CTNNA2: variants seen among roughly 807,000 people sequenced by gnomAD.
The protein encoded by CTNNA2 is catenin alpha 2.
In CTNNA2, 42 loss-of-function variants were observed where a neutral mutation model predicts 101.0. The observed-to-expected ratio is 0.42, with a 90% CI of 0.32 to 0.54. CTNNA2 has a LOEUF of 0.54. CTNNA2 is among the 20% of genes least tolerant of loss of function. The pLI is 0.14. For missense variants in CTNNA2, 871 were observed against 1,223.1 expected (o/e 0.71, Z 4.29); for synonymous variants, 450 against 456.4 (o/e 0.99, Z 0.18).
In CTNNA2 at chr2:80,594,439, T is replaced by C. The variant is rs528437155; in HGVS notation, c.2189+4954T>C. 2.0e-5 allele frequency among the ~76,000 whole-genome samples: 3 copies of C among 152,188 alleles called. No homozygotes were observed. The East Asian group carries it at 5.8e-4, about 29-fold the overall frequency. On this transcript the variant is annotated intron_variant, in intron 15 of 18. Coordinates refer to ENST00000402739, the MANE Select transcript of CTNNA2 (RefSeq NM_001282597.3). ...AATTCCTGATAAAGAATTACTATTTTCTCTCATTTTATTGGTTTCTTTTTC... is the reference window on the plus strand; with the variant it reads ...AATTCCTGATAAAGAATTACTATTTCCTCTCATTTTATTGGTTTCTTTTTC...
chr2:79,568,256 G>A (rs1347371731), intron 1 of CTNNA2, among the ~76,000 whole-genome samples: 2 of 152,102 alleles, frequency 1.3e-5, no homozygotes, highest in Admixed American at 1.3e-4. Context: ...GTACTTTCCT[G>A]TACATGCCCC....
At chr2:80,061,505 AC>A (rs1315770083) in intron 7 of CTNNA2, among the ~76,000 whole-genome samples, 1 of 152,090 alleles carries the variant, frequency 6.6e-6, no homozygotes, top group Non-Finnish European at 1.5e-5. Context: ...TACTAAACGA[AC>A]CCCCACAACA....
intron 4 of CTNNA2, among the ~76,000 whole-genome samples, chr2:79,485,822 A>C (rs891055809): frequency 2.0e-5 from 3 of 152,196 alleles, no homozygotes; most frequent in African/African-American, 7.2e-5. Flanking sequence ...TGTGATTTTC[A>C]TGGCAGTAAT....
intron 2 of CTNNA2, among the ~76,000 whole-genome samples, chr2:79,244,923 C>A (rs1400762968): frequency 6.6e-6 from 1 of 150,946 alleles, no homozygotes; most frequent in African/African-American, 2.4e-5. Context: ...GGTGAAATCC[C>A]ATCTTTACTA....
intron 1 of CTNNA2, among the ~76,000 whole-genome samples, chr2:79,591,657 GTTTTTC>G (rs1381153628): frequency 2.0e-5 from 3 of 152,082 alleles, no homozygotes; most frequent in Non-Finnish European, 4.4e-5. Flanking sequence ...CTTATTTTTA[GTTTTTC>G]TAATCTTTCT....
At chr2:80,481,304 T>C (rs1015960139) in intron 9 of CTNNA2, among the ~76,000 whole-genome samples, 5 of 152,114 alleles carry the variant, frequency 3.3e-5, no homozygotes, top group Admixed American at 3.3e-4. Flanking sequence ...CTCATTTCTT[T>C]GGGGTATTGT....
At chr2:80,591,168 G>A (rs1696452317) in intron 15 of CTNNA2, among the ~76,000 whole-genome samples, 1 of 152,126 alleles carries the variant, frequency 6.6e-6, no homozygotes, top group Admixed American at 6.6e-5. Context: ...TTGTTACATG[G>A]TGTTAAATAA....
chr2:79,650,313 G>A (rs1244442555), intron 1 of CTNNA2, among the ~76,000 whole-genome samples: 2 of 151,968 alleles, frequency 1.3e-5, no homozygotes, highest in Non-Finnish European at 2.9e-5. Flanking sequence ...GATTTTATGG[G>A]ACAAGAATGT....
At chr2:80,446,700 G>A (rs1037056202) in intron 9 of CTNNA2, among the ~76,000 whole-genome samples, 1 of 152,088 alleles carries the variant, frequency 6.6e-6, no homozygotes, top group Non-Finnish European at 1.5e-5. Context: ...TCAACAGGAC[G>A]TTTCAACAAG....
chr2:79,355,662 A>G (rs766142144), intron 3 of CTNNA2, among the ~76,000 whole-genome samples: 5 of 152,094 alleles, frequency 3.3e-5, no homozygotes, highest in Non-Finnish European at 7.4e-5. Context: ...GGATTTACCT[A>G]TTTTGAATAT....
At chr2:79,960,663 A>G (rs1254188280) in intron 7 of CTNNA2, among the ~76,000 whole-genome samples, 5 of 152,214 alleles carry the variant, frequency 3.3e-5, no homozygotes, top group Non-Finnish European at 7.3e-5. Flanking sequence ...GACCTTAAAC[A>G]TTACATTGAT....
rs76105535 is a variant in CTNNA2, at chr2:80,238,601, A to T, written c.1057-154610A>T. On this transcript the variant is annotated intron_variant, in intron 7 of 18. Transcript: ENST00000402739. ...TAGCTCACTCAGAGAAAATAAGAAC[A>T]TGAAACAGTTCCTGACAAGTCCCAT... Among the ~76,000 whole-genome samples the T allele has an allele frequency of 2.5e-3, 379 of 152,300 alleles. 1 individual carries two copies. Among genetic ancestry groups the T allele is most frequent in the African/African-American group, 9.0e-3 (374 of 41,570 alleles).
chr2:79,669,490 A>C (rs1682673542), intron 2 of CTNNA2, among the ~76,000 whole-genome samples: 3 of 152,144 alleles, frequency 2.0e-5, no homozygotes. Flanking sequence ...AGACAATTGA[A>C]GGGTGAAGAA....
intron 3 of CTNNA2, among the ~76,000 whole-genome samples, chr2:79,357,922 C>G (rs1277323609): frequency 6.6e-6 from 1 of 152,054 alleles, no homozygotes; most frequent in Admixed American, 6.5e-5. Flanking sequence ...TATGAGTTCT[C>G]CTTTGCTACA....
chr2:79,197,140 C>A (rs1280874538), intron 1 of CTNNA2, among the ~76,000 whole-genome samples: 6 of 152,170 alleles, frequency 3.9e-5, no homozygotes, highest in Admixed American at 3.3e-4. Context: ...CCTGTGCTCT[C>A]AAATCCAGAG....
intron 4 of CTNNA2, among the ~76,000 whole-genome samples, chr2:79,477,311 C>T (rs1351773411): frequency 6.6e-6 from 1 of 151,946 alleles, no homozygotes; most frequent in African/African-American, 2.4e-5. Context: ...GCTGGGTTTA[C>T]AGGCACCCGC....
chr2:80,113,763 T>C (rs1230745958), intron 7 of CTNNA2, among the ~76,000 whole-genome samples: 3 of 152,230 alleles, frequency 2.0e-5, no homozygotes, highest in Admixed American at 6.5e-5. Flanking sequence ...TTTAAAAAGA[T>C]ATTTAAATCC....
intron 3 of CTNNA2, among the ~76,000 whole-genome samples, chr2:79,816,719 C>A (rs1181249477): frequency 6.6e-6 from 1 of 152,190 alleles, no homozygotes; most frequent in Admixed American, 6.5e-5. Flanking sequence ...TACATGTTAA[C>A]ATTCTTGGCC....
chr2:80,639,819 T>C (rs1673268581), intron 18 of CTNNA2, among the ~76,000 whole-genome samples: 1 of 151,880 alleles, frequency 6.6e-6, no homozygotes, highest in Admixed American at 6.6e-5. Context: ...AAAATATTTG[T>C]CGGCCGGGCG....
Sources: allele counts gnomAD v4.1 joint callset (sites outside exome capture counted in the v4.1 genomes callset), GRCh38; gene constraint gnomAD v4.1.1; transcripts MANE v1.5; gene names NCBI Gene and HGNC (gene_info 2026-07-23, HGNC 2026-07-21).